TESK2: variants seen among roughly 807,000 people sequenced by gnomAD.
TESK2 encodes the protein testis associated actin remodelling kinase 2, also known as dual specificity testis-specific protein kinase 2.
In TESK2, 39 loss-of-function variants were observed where a neutral mutation model predicts 57.1. The observed-to-expected ratio is 0.68, with a 90% CI of 0.53 to 0.89. The LOEUF (loss-of-function observed/expected upper bound fraction) is 0.89, where lower values mean the gene tolerates loss of function less well. Among genes scored for constraint, TESK2 ranks in the 40% least tolerant of loss-of-function variants. The pLI is 0.00. For synonymous variants in TESK2, 249 were observed against 267.9 expected (o/e 0.93, Z 0.69); for missense variants, 646 against 732.1 (o/e 0.88, Z 1.36).
chr1:45,482,076 TAA>T (rs1439750663), intron 1 of TESK2, among the ~76,000 whole-genome samples: 6 of 152,152 alleles, frequency 3.9e-5, no homozygotes, highest in Admixed American at 2.6e-4. Context: ...CTTCCTCCAG[TAA>T]AAAGTGTCAC....
chr1:45,448,626 G>C (rs1055689078), intron 2 of TESK2, among the ~76,000 whole-genome samples: 1 of 151,986 alleles, frequency 6.6e-6, no homozygotes, highest in Non-Finnish European at 1.5e-5. Context: ...GATGTCACAT[G>C]AACAAACTGA....
intron 1 of TESK2, among the ~76,000 whole-genome samples, chr1:45,466,158 A>G (rs1223703831): frequency 1.3e-5 from 2 of 152,146 alleles, no homozygotes; most frequent in African/African-American, 4.8e-5. Flanking sequence ...TCTGAGCAAC[A>G]TGGTTAAACC....
chr1:45,422,759 T>TGTTGTTGTTG (rs1553152259), intron 2 of TESK2, among the ~76,000 whole-genome samples: 43 of 147,010 alleles, frequency 2.9e-4, no homozygotes, highest in African/African-American at 9.0e-4. Flanking sequence ...TGTCTGGTTT[T>TGTTGTTGTTG]TTGTTGTTGT....
At chr1:45,357,880 G>A (rs148022411) in intron 4 of TESK2, among the ~76,000 whole-genome samples, 14 of 151,814 alleles carry the variant, frequency 9.2e-5, no homozygotes, top group African/African-American at 3.1e-4. Flanking sequence ...TGGCGCATGC[G>A]TGTAATCCCA....
rs1649402805 is a variant in TESK2, at chr1:45,397,084, G to C, written c.345-11124C>G. ...TCCGCCATCCTCGGCCTCCTGAAGTGCTGGGATTACAGGTGTGAGCCACCA... is the reference window on the plus strand; with the variant it reads ...TCCGCCATCCTCGGCCTCCTGAAGTCCTGGGATTACAGGTGTGAGCCACCA... On this transcript the variant is annotated intron_variant, in intron 3 of 10. Transcript: ENST00000372086. Among the ~76,000 whole-genome samples the C allele has an allele frequency of 2.0e-5, 3 of 152,108 alleles. No homozygotes were observed. The South Asian group carries it at 6.2e-4, about 32-fold the overall frequency.
chr1:45,356,927 C>T (rs1023215698), intron 4 of TESK2, among the ~76,000 whole-genome samples: 1 of 152,106 alleles, frequency 6.6e-6, no homozygotes, highest in African/African-American at 2.4e-5. Flanking sequence ...GGCGCAATGG[C>T]TCATGCCTGT....
intron 3 of TESK2, among the ~76,000 whole-genome samples, chr1:45,399,140 A>ATTTT (rs753087306): frequency 8.0e-5 from 8 of 99,718 alleles, no homozygotes; most frequent in African/African-American, 9.7e-5. Context: ...AAAAGTTGAA[A>ATTTT]TTTTTTTTTT....
chr1:45,347,502 A>T, intron 7 of TESK2, 107 bp downstream of exon 7: 1 of 1,039,174 alleles, frequency 9.6e-7, no homozygotes, highest in Non-Finnish European at 1.4e-6. Context: ...GGAGGCAGTA[A>T]GCCGAGATCG....
intron 4 of TESK2, among the ~76,000 whole-genome samples, chr1:45,357,302 G>A (rs1647472606): frequency 6.6e-6 from 1 of 151,944 alleles, no homozygotes; most frequent in African/African-American, 2.4e-5. Flanking sequence ...CAGAAGGAAA[G>A]CATTCTACAA....
chr1:45,441,080 T>A (rs1651425810), intron 2 of TESK2, among the ~76,000 whole-genome samples: 1 of 152,244 alleles, frequency 6.6e-6, no homozygotes. Context: ...AGACTTGGAC[T>A]CTTAAACTAC....
At chr1:45,447,072 A>G (rs867946981) in intron 2 of TESK2, among the ~76,000 whole-genome samples, 1 of 152,142 alleles carries the variant, frequency 6.6e-6, no homozygotes. Flanking sequence ...TTTAAAAATT[A>G]GCCAGGCACG....
chr1:45,463,915 C>A (rs1426164066), intron 1 of TESK2, among the ~76,000 whole-genome samples: 1 of 152,022 alleles, frequency 6.6e-6, no homozygotes, highest in Non-Finnish European at 1.5e-5. Context: ...TGCCAGTATT[C>A]TCGTGTTGTT....
intron 1 of TESK2, among the ~76,000 whole-genome samples, chr1:45,483,910 AG>A (rs1191614427): frequency 4.0e-5 from 6 of 151,446 alleles, no homozygotes; most frequent in African/African-American, 1.5e-4. Context: ...CTAAAAAGGG[AG>A]GATCACTTGA....
chr1:45,366,109 T>C (rs753617931), intron 4 of TESK2, among the ~76,000 whole-genome samples: 23 of 148,814 alleles, frequency 1.5e-4, no homozygotes, highest in Admixed American at 8.1e-4. Context: ...ACACTGGCCC[T>C]TATTTATTTA....
chr1:45,372,748 A>AT (rs1049934842), intron 4 of TESK2, among the ~76,000 whole-genome samples: 4 of 151,374 alleles, frequency 2.6e-5, no homozygotes, highest in Non-Finnish European at 5.9e-5. Context: ...AAAAAAAAAA[A>AT]GAAAAGAAGG....
At chr1:45,471,415 A>AT (rs1026544535) in intron 1 of TESK2, among the ~76,000 whole-genome samples, 19 of 149,222 alleles carry the variant, frequency 1.3e-4, no homozygotes, top group South Asian at 6.5e-4. Context: ...CAATAAGATA[A>AT]TTTTTTTTTT....
At chr1:45,416,486 A>G (rs1251094913) in intron 3 of TESK2, among the ~76,000 whole-genome samples, 1 of 152,092 alleles carries the variant, frequency 6.6e-6, no homozygotes, top group Non-Finnish European at 1.5e-5. Context: ...AAATAGATCA[A>G]ACATAAATGT....
At chr1:45,468,370 C>A (rs955811081) in intron 1 of TESK2, among the ~76,000 whole-genome samples, 1 of 152,104 alleles carries the variant, frequency 6.6e-6, no homozygotes, top group African/African-American at 2.4e-5. Context: ...CCAAACCATG[C>A]CTTCTGCTCC....
At chr1:45,429,091 G>A (rs1650840439) in intron 2 of TESK2, among the ~76,000 whole-genome samples, 2 of 152,298 alleles carry the variant, frequency 1.3e-5, no homozygotes, top group South Asian at 4.1e-4. Flanking sequence ...AAAATGCTGG[G>A]ATTACAGGCG....
Sources: allele counts gnomAD v4.1 joint callset (sites outside exome capture counted in the v4.1 genomes callset), GRCh38; gene constraint gnomAD v4.1.1; transcripts MANE v1.5; gene names NCBI Gene and HGNC (gene_info 2026-07-23, HGNC 2026-07-21).